Variants in RSU1 observed in about 807,000 individuals in gnomAD.
RSU1 encodes Ras suppressor protein 1.
RSU1 carries 26 observed loss-of-function variants against 31.1 expected under a neutral mutation model. That is an observed-to-expected ratio of 0.84 (90% CI 0.61 to 1.16). RSU1 has a LOEUF of 1.16. Ranked by LOEUF, RSU1 falls within the 50% of genes most tolerant of loss-of-function variation. RSU1 has a pLI of 0.00. For missense variants in RSU1, 320 were observed against 339.1 expected (o/e 0.94, Z 0.44); for synonymous variants, 164 against 136.3 (o/e 1.20, Z -1.41).
chr10:16,623,439 G>A (rs1199915943), intron 8 of RSU1, among the ~76,000 whole-genome samples: 1 of 152,150 alleles, frequency 6.6e-6, no homozygotes, highest in Non-Finnish European at 1.5e-5. Flanking sequence ...GCACCGATGG[G>A]CACCCAGGTT....
intron 8 of RSU1, among the ~76,000 whole-genome samples, chr10:16,653,247 T>C (rs975626248): frequency 6.6e-6 from 1 of 152,222 alleles, no homozygotes; most frequent in Non-Finnish European, 1.5e-5. Context: ...CAACAGGCTA[T>C]TAACACTATC....
intron 7 of RSU1, among the ~76,000 whole-genome samples, chr10:16,745,378 G>A (rs1268249086): frequency 6.6e-6 from 1 of 152,072 alleles, no homozygotes; most frequent in Non-Finnish European, 1.5e-5. Context: ...AACGTTATCT[G>A]TTCTAGTCCG....
At chr10:16,715,481 T>C (rs902436013) in intron 7 of RSU1, among the ~76,000 whole-genome samples, 3 of 152,232 alleles carry the variant, frequency 2.0e-5, no homozygotes, top group African/African-American at 7.2e-5. Context: ...AATTCTTCTA[T>C]ATGTTATTAG....
chr10:16,600,484 A>C (rs1833698540), intron 8 of RSU1, among the ~76,000 whole-genome samples: 1 of 152,036 alleles, frequency 6.6e-6, no homozygotes, highest in South Asian at 2.1e-4. Context: ...CACTGTACTC[A>C]GAATAAATTT....
At chr10:16,803,551 T>C (rs1405192830) in intron 2 of RSU1, among the ~76,000 whole-genome samples, 3 of 152,158 alleles carry the variant, frequency 2.0e-5, no homozygotes, top group East Asian at 1.9e-4. Flanking sequence ...GAAAATACAG[T>C]TGGAGCACTG....
chr10:16,675,445 G>A (rs1434699522), intron 8 of RSU1, among the ~76,000 whole-genome samples: 1 of 152,090 alleles, frequency 6.6e-6, no homozygotes, highest in Non-Finnish European at 1.5e-5. Context: ...AAACCTAGAA[G>A]GAGGTCGCTG....
chr10:16,675,749 T>C (rs1835215730), intron 8 of RSU1, among the ~76,000 whole-genome samples: 1 of 152,238 alleles, frequency 6.6e-6, no homozygotes, highest in African/African-American at 2.4e-5. Flanking sequence ...GCGTGCTCCT[T>C]TGAGTAGAAA....
intron 8 of RSU1, among the ~76,000 whole-genome samples, chr10:16,605,949 C>T (rs1833797408): frequency 1.3e-5 from 2 of 151,806 alleles, no homozygotes; most frequent in South Asian, 4.2e-4. Flanking sequence ...CAAGCACATG[C>T]CACCATGCCT....
At chr10:16,617,685 C>G (rs1188712553) in intron 8 of RSU1, among the ~76,000 whole-genome samples, 3 of 152,174 alleles carry the variant, frequency 2.0e-5, no homozygotes, top group Non-Finnish European at 2.9e-5. Flanking sequence ...TAACACCGCA[C>G]ACCTACAACC....
chr10:16,703,216 A>G (rs1835830025), intron 7 of RSU1, among the ~76,000 whole-genome samples: 2 of 151,932 alleles, frequency 1.3e-5, no homozygotes, highest in African/African-American at 4.8e-5. Flanking sequence ...AGCCAATTAA[A>G]CCTCTGTTCT....
chr10:16,593,966 G>A (rs998954389), intron 8 of RSU1, among the ~76,000 whole-genome samples: 1 of 152,204 alleles, frequency 6.6e-6, no homozygotes, highest in African/African-American at 2.4e-5. Flanking sequence ...GCGTGGGGCT[G>A]GCCACCACAC....
intron 8 of RSU1, among the ~76,000 whole-genome samples, chr10:16,666,277 T>C (rs1369350223): frequency 6.6e-6 from 1 of 152,142 alleles, no homozygotes; most frequent in Non-Finnish European, 1.5e-5. Context: ...ATAGATCATA[T>C]CTACATCTTT....
At chr10:16,788,178 T>C (rs915850091) in intron 2 of RSU1, among the ~76,000 whole-genome samples, 16 of 152,336 alleles carry the variant, frequency 1.1e-4, no homozygotes, top group Admixed American at 6.5e-5. Flanking sequence ...CTCAGCTTCA[T>C]GTAAGAGCAA....
chr10:16,634,798 C>T (rs1564293347), intron 8 of RSU1, among the ~76,000 whole-genome samples: 2 of 152,306 alleles, frequency 1.3e-5, no homozygotes, highest in Admixed American at 6.5e-5. Context: ...GGTGATGTTC[C>T]TAAGATTTGC....
At chr10:16,597,983 C>T (rs1044034338) in intron 8 of RSU1, among the ~76,000 whole-genome samples, 6 of 152,222 alleles carry the variant, frequency 3.9e-5, no homozygotes, top group Non-Finnish European at 7.3e-5. Context: ...AGTGGCGGTG[C>T]AGTCACAACA....
In RSU1 at chr10:16,726,898, C is replaced by G. The variant is rs1049942073; in HGVS notation, c.598+25641G>C. 1.9e-5 allele frequency: 7 copies of G among 364,806 alleles called. No homozygotes were observed. The Admixed American group carries it at 2.3e-4, about 12-fold the overall frequency. 22.6% of individuals were successfully genotyped at this position (364,806 alleles called of 1,614,324 possible). On this transcript the variant is annotated intron_variant, in intron 7 of 8. Coordinates refer to ENST00000345264, the MANE Select transcript of RSU1 (RefSeq NM_012425.4). ...GTAGGTTCAAGGAACAAAACAAAAT[C>G]CACCATGCAGAAGGGCGTTGCATAT... is the stretch of plus-strand genomic sequence containing the variant.
intron 2 of RSU1, among the ~76,000 whole-genome samples, chr10:16,797,753 A>G (rs983985862): frequency 2.0e-5 from 3 of 152,196 alleles, no homozygotes; most frequent in African/African-American, 7.2e-5. Flanking sequence ...AGAAACAAAA[A>G]AAATTATTTC....
At chr10:16,769,254 T>C (rs1481044597) in intron 3 of RSU1, among the ~76,000 whole-genome samples, 1 of 152,254 alleles carries the variant, frequency 6.6e-6, no homozygotes, top group African/African-American at 2.4e-5. Context: ...TAGGAGTTTA[T>C]ACAATAATAA....
chr10:16,727,705 A>G (rs1431464055), intron 7 of RSU1, among the ~76,000 whole-genome samples: 1 of 152,230 alleles, frequency 6.6e-6, no homozygotes, highest in Non-Finnish European at 1.5e-5. Flanking sequence ...AAGTGATAAA[A>G]TAAGAAAATT....
Sources: allele counts gnomAD v4.1 joint callset (sites outside exome capture counted in the v4.1 genomes callset), GRCh38; gene constraint gnomAD v4.1.1; transcripts MANE v1.5; gene names NCBI Gene and HGNC (gene_info 2026-07-23, HGNC 2026-07-21).